Variants in ANKRD52 observed in about 807,000 individuals in gnomAD.
ANKRD52 encodes the protein ankyrin repeat domain 52.
Under a neutral mutation model 116.0 loss-of-function variants are expected in ANKRD52, and 7 were observed. The observed-to-expected ratio is 0.06, with a 90% CI of 0.03 to 0.11. The LOEUF (loss-of-function observed/expected upper bound fraction) is 0.11, where lower values mean the gene tolerates loss of function less well. Among genes scored for constraint, ANKRD52 ranks in the 10% least tolerant of loss-of-function variants. ANKRD52 has a pLI of 1.00. For missense variants in ANKRD52, 839 were observed against 1,408.6 expected (o/e 0.60, Z 6.47); for synonymous variants, 528 against 578.1 (o/e 0.91, Z 1.24).
In ANKRD52 at chr12:56,245,466, G is replaced by A; in HGVS notation, c.2315C>T (p.Thr772Ile). 6.2e-7 allele frequency: 1 copy of A among 1,612,578 alleles called. No individual in the cohort carries two copies. Among genetic ancestry groups the A allele is most frequent in the East Asian group, 2.2e-5 (1 of 44,878 alleles). ...TGTGGAAAGGGCAGCCTGCAGCAGG[G>A]TCCGCAGTACTGCAGTGTGGCCACA... ...SACGHTAVLR[T>I]LLQAALSTDP... The change falls in exon 21 of 28, where the codon ACC (threonine) becomes ATC (isoleucine). Residue 772 changes from threonine (T) to isoleucine (I), a missense_variant. Physicochemically the swap from Thr to Ile is moderately conservative, Grantham distance 89 (BLOSUM62 -1). Transcript: ENST00000267116.
In ANKRD52 at chr12:56,253,836, T is replaced by C; in HGVS notation, c.907-36A>G. The C allele has an allele frequency of 1.2e-6, 2 of 1,602,008 alleles. No homozygotes were observed. Among genetic ancestry groups the C allele is most frequent in the South Asian group, 2.2e-5 (2 of 90,748 alleles). ...ATGGTGGGTTTTTGTTTTTGTTTTT[T>C]TTTCCAGTGCAAAGCACAGAGAATG... On this transcript the variant is annotated intron_variant, in intron 8 of 27. Transcript: ENST00000267116. The surrounding 1 kb of genome is among the most constrained non-coding windows in gnomAD (Gnocchi z 5.5).
chr12:56,252,528 G>A lies in ANKRD52; in HGVS notation c.1344C>T (p.Asp448=). Reference sequence around the variant, plus strand: ...TGCCAAATTTGTCCCTCCTCCTCAAGTCAGCTCCACTGCTCAACAGCAAAT... The same window carrying A: ...TGCCAAATTTGTCCCTCCTCCTCAAATCAGCTCCACTGCTCAACAGCAAAT... ...CLNLLLSSGA[D]LRRRDKFGRT... Residue 448 remains aspartate, a synonymous_variant, in exon 13 of 28, where the codon GAC becomes GAT. Transcript: ENST00000267116. This position sits in a 1 kb window ranked among gnomAD's most constrained non-coding sequence, Gnocchi z 4.7. The A allele has an allele frequency of 1.2e-6, 2 of 1,613,910 alleles. No individual in the cohort carries two copies.
intron 4 of ANKRD52, among the ~76,000 whole-genome samples, chr12:56,256,232 G>A (rs893833760): frequency 6.6e-6 from 1 of 151,962 alleles, no homozygotes; most frequent in Non-Finnish European, 1.5e-5. Flanking sequence ...CACCTGACTC[G>A]CCAACTTAGA....
At chr12:56,245,823 T>C (rs1266613367) in intron 20 of ANKRD52, among the ~76,000 whole-genome samples, 1 of 149,028 alleles carries the variant, frequency 6.7e-6, no homozygotes, top group East Asian at 2.0e-4. Flanking sequence ...CAAGCGATTC[T>C]CCTGCCTCAG....
chr12:56,257,266 C>A lies in ANKRD52; in HGVS notation c.190+17G>T. 1 of 1,582,736 alleles carries A rather than the reference C, an allele frequency of 6.3e-7. No homozygotes were observed. The highest frequency in any genetic ancestry group is 8.6e-7 in the Non-Finnish European group (1 of 1,164,016). ...TTCGCTCCCTATGTGCCACACCTTCCAGCTCCCCACTTTCACCTGACATCA... is the reference window on the plus strand; with the variant it reads ...TTCGCTCCCTATGTGCCACACCTTCAAGCTCCCCACTTTCACCTGACATCA... On this transcript the variant is annotated intron_variant, in intron 3 of 27. Coordinates refer to ENST00000267116, the MANE Select transcript of ANKRD52 (RefSeq NM_173595.4).
Position 56,243,645 on chromosome 12 carries a change from G to C in ANKRD52, c.2980+140C>G. On this transcript the variant is annotated intron_variant, in intron 27 of 27. Transcript: ENST00000267116. The surrounding 1 kb of genome is among the most constrained non-coding windows in gnomAD (Gnocchi z 4.6). ...CTGCAGGCTCCCCTCTGAGACTCCAGAGTACTGGTGTGGGCTCCCTGCTCT... is the reference window on the plus strand; with the variant it reads ...CTGCAGGCTCCCCTCTGAGACTCCACAGTACTGGTGTGGGCTCCCTGCTCT... The C allele has an allele frequency of 9.8e-7, 1 of 1,018,986 alleles. No individual in the cohort carries two copies. The highest frequency in any genetic ancestry group is 1.4e-6 in the Non-Finnish European group (1 of 702,820). The allele number at this position is 1,018,986 out of a possible 1,614,324, so 63.1% of individuals were successfully genotyped here.
In ANKRD52 at chr12:56,240,354, TCG is replaced by T. The variant is rs1355951325; in HGVS notation, c.*2786_*2787del. On this transcript the variant is annotated 3_prime_UTR_variant, in exon 28 of 28. Coordinates refer to ENST00000267116, the MANE Select transcript of ANKRD52 (RefSeq NM_173595.4). This position sits in a 1 kb window ranked among gnomAD's most constrained non-coding sequence, Gnocchi z 4.2. ...CACGTCTGTTTCCCTGTCTCCTATGTCGCCCTCGCTCTGTTTCCTTTGCTGGG... is the reference window on the plus strand; with the variant it reads ...CACGTCTGTTTCCCTGTCTCCTATGTCCCTCGCTCTGTTTCCTTTGCTGGG... 1 of 152,168 alleles carries T rather than the reference TCG, an allele frequency of 6.6e-6. No individual in the cohort carries two copies. The highest frequency in any genetic ancestry group is 1.5e-5 in the Non-Finnish European group (1 of 68,024). 9.4% of individuals were successfully genotyped at this position (152,168 alleles called of 1,614,324 possible).
chr12:56,248,614 T>C lies in ANKRD52; in HGVS notation c.1705-48A>G. 1 of 1,538,782 alleles carries C rather than the reference T, an allele frequency of 6.5e-7. No homozygotes were observed. The highest frequency in any genetic ancestry group is 8.8e-7 in the Non-Finnish European group (1 of 1,131,256). ...TGCTGAGACTCTGGAACTCCCAAGATAGTACCCCAGTCCCCGACTCGCAGT... is the reference window on the plus strand; with the variant it reads ...TGCTGAGACTCTGGAACTCCCAAGACAGTACCCCAGTCCCCGACTCGCAGT... On this transcript the variant is annotated intron_variant, in intron 16 of 27. Transcript: ENST00000267116. This position sits in a 1 kb window ranked among gnomAD's most constrained non-coding sequence, Gnocchi z 5.1.
At chr12:56,247,441 G>T in intron 20 of ANKRD52, 52 bp downstream of exon 20, 1 of 1,443,524 alleles carries the variant, frequency 6.9e-7, no homozygotes. Context: ...TGAGTCCCAT[G>T]CTCCCACACT....
In ANKRD52 at chr12:56,237,997, AGGGAG is replaced by A; in HGVS notation, c.*5140_*5144del. Reference sequence around the variant, plus strand: ...CGGGGAGAACATTGTGCTTTAGCCCAGGGAGGGGAGGGGTGGGGCAAATGCACCGA... The same window carrying A: ...CGGGGAGAACATTGTGCTTTAGCCCAGGGAGGGGTGGGGCAAATGCACCGA... On this transcript the variant is annotated 3_prime_UTR_variant, in exon 28 of 28. Coordinates refer to ENST00000267116, the MANE Select transcript of ANKRD52 (RefSeq NM_173595.4). The A allele has an allele frequency of 6.0e-6, 1 of 166,348 alleles. No homozygotes were observed. Among genetic ancestry groups the A allele is most frequent in the Non-Finnish European group, 1.3e-5 (1 of 79,452 alleles). 10.3% of individuals were successfully genotyped at this position (166,348 alleles called of 1,614,324 possible). A position where few individuals can be genotyped will look rare whatever the true frequency, so the allele number is the denominator to read the frequency against.
chr12:56,253,945 G>T lies in ANKRD52; in HGVS notation c.906+122C>A. The T allele has an allele frequency of 1.5e-6, 2 of 1,336,276 alleles. No homozygotes were observed. The highest frequency in any genetic ancestry group is 1.0e-6 in the Non-Finnish European group (1 of 958,864). The allele number at this position is 1,336,276 out of a possible 1,614,324, so 82.8% of individuals were successfully genotyped here. ...TAGCCCACTCTTTCCTGAGTCCCTG[G>T]CAAGGTCTGATTACCCTAGGAAGCA... is the stretch of plus-strand genomic sequence containing the variant. On this transcript the variant is annotated intron_variant, in intron 8 of 27. Transcript: ENST00000267116. The surrounding 1 kb of genome is among the most constrained non-coding windows in gnomAD (Gnocchi z 5.5).
chr12:56,257,291 A>T lies in ANKRD52; in HGVS notation c.182T>A (p.Leu61Gln). ...CAGCTCCCCACTTTCACCTGACATC[A>T]GTAGCAACTGGAGGATGGGGACATC... ...VGDVPILQLL[L>Q]MSGANVNAKD... The change falls in exon 3 of 28, where the codon CTG becomes CAG. Residue 61 changes from leucine (L) to glutamine (Q), a missense_variant. Leu to Gln is a moderately radical substitution (Grantham distance 113). Coordinates refer to ENST00000267116, the MANE Select transcript of ANKRD52 (RefSeq NM_173595.4). 6.3e-7 allele frequency: 1 copy of T among 1,595,484 alleles called. No individual in the cohort carries two copies. Among genetic ancestry groups the T allele is most frequent in the Non-Finnish European group, 8.5e-7 (1 of 1,170,988 alleles).
chr12:56,247,433 A>C (rs1169655737), intron 20 of ANKRD52, 60 bp downstream of exon 20: 40 of 1,358,586 alleles, frequency 2.9e-5, no homozygotes, highest in Non-Finnish European at 4.1e-5. Context: ...ACTGCTGGTG[A>C]GTCCCATGCT....
rs1417287537 is a variant in ANKRD52 at position 56,243,578 on chromosome 12, G to A, written c.2981-186C>T. On this transcript the variant is annotated intron_variant, in intron 27 of 27. Transcript: ENST00000267116. This position sits in a 1 kb window ranked among gnomAD's most constrained non-coding sequence, Gnocchi z 4.6. ...ATTCTCTAAGTACGGGTTAAAGGGC[G>A]GGCATGGGAGTCAAAGCCTAGGGTG... 2.6e-5 allele frequency among the ~76,000 whole-genome samples: 4 copies of A among 152,202 alleles called. No homozygotes were observed. The highest frequency in any genetic ancestry group is 2.1e-4 in the South Asian group (1 of 4,834).
chr12:56,247,370 A>G (rs1871461258), intron 20 of ANKRD52, 123 bp downstream of exon 20: 1 of 817,300 alleles, frequency 1.2e-6, no homozygotes, highest in Non-Finnish European at 1.9e-6. Flanking sequence ...AAAAAGAAAA[A>G]GAAAAAAGAC....
In ANKRD52 at chr12:56,243,857, G is replaced by T; in HGVS notation, c.2908C>A (p.Arg970=). 1 of 1,565,828 alleles carries T rather than the reference G, an allele frequency of 6.4e-7. No homozygotes were observed. The highest frequency in any genetic ancestry group is 1.2e-5 in the South Asian group (1 of 84,996). ...TGTACCACAGAAGCTAGACCATTCC[G>T]GGCAGCAATGTGGAGTGGCCTTGGA... ...ALQMPLHIAA[R]NGLASVVQAL... is the part of the protein sequence containing the mutation. The change falls in exon 27 of 28, where the codon CGG becomes AGG. Residue 970 remains arginine, a synonymous_variant. Coordinates refer to ENST00000267116, the MANE Select transcript of ANKRD52 (RefSeq NM_173595.4). The surrounding 1 kb of genome is among the most constrained non-coding windows in gnomAD (Gnocchi z 4.6).
chr12:56,249,092 C>T (rs763970490), intron 15 of ANKRD52, among the ~76,000 whole-genome samples: 6 of 152,192 alleles, frequency 3.9e-5, no homozygotes, highest in Non-Finnish European at 7.4e-5. Context: ...GCTTCAATGC[C>T]CTCCTTTATC....
At position 56,254,782 on chromosome 12, in the gene ANKRD52, C is replaced by A; in HGVS notation, c.551-62G>T. 6.3e-7 allele frequency: 1 copy of A among 1,599,094 alleles called. No individual in the cohort carries two copies. On this transcript the variant is annotated intron_variant, in intron 6 of 27. Coordinates refer to ENST00000267116, the MANE Select transcript of ANKRD52 (RefSeq NM_173595.4). This position sits in a 1 kb window ranked among gnomAD's most constrained non-coding sequence, Gnocchi z 4.6. ...GTAAACTCTAAGACCCTACACTCCTCTCTTCAAAGGCTGCAACCCCACATC... is the reference window on the plus strand; with the variant it reads ...GTAAACTCTAAGACCCTACACTCCTATCTTCAAAGGCTGCAACCCCACATC...
chr12:56,253,865 T>A lies in ANKRD52; in HGVS notation c.907-65A>T. 1 of 1,528,704 alleles carries A rather than the reference T, an allele frequency of 6.5e-7. No individual in the cohort carries two copies. The highest frequency in any genetic ancestry group is 9.0e-7 in the Non-Finnish European group (1 of 1,105,534). The allele number at this position is 1,528,704 out of a possible 1,614,324, so 94.7% of individuals were successfully genotyped here. On this transcript the variant is annotated intron_variant, in intron 8 of 27. Transcript: ENST00000267116. The surrounding 1 kb of genome is among the most constrained non-coding windows in gnomAD (Gnocchi z 5.5). ...CCAGTGCAAAGCACAGAGAATGCCC[T>A]ACCTCCCTTCCAAGGACATATCTCT...
Sources: gnomAD v4.1 joint callset for allele counts (sites outside exome capture counted in the v4.1 genomes callset) on GRCh38, gnomAD v4.1.1 for gene constraint, Gnocchi (gnomAD v3.1) non-coding constraint, MANE v1.5 for transcripts, NCBI Gene and HGNC (gene_info 2026-07-23, HGNC 2026-07-21) for gene names.